The following SMARCB1 variants were observed in gnomAD, a reference collection of about 807,000 sequenced individuals.
SMARCB1 encodes the protein SWI/SNF related BAF chromatin remodeling complex subunit B1.
In SMARCB1, 5 loss-of-function variants were observed where a neutral mutation model predicts 49.0. The observed-to-expected ratio is 0.10, with a 90% CI of 0.05 to 0.21. The LOEUF (loss-of-function observed/expected upper bound fraction) is 0.21. SMARCB1 is among the 10% of genes least tolerant of loss of function. The pLI is 1.00. For missense variants in SMARCB1, 226 were observed against 509.2 expected (o/e 0.44, Z 5.35); for synonymous variants, 201 against 200.1 (o/e 1.00, Z -0.04).
Position 23,837,086 on chromosome 22 carries a change from G to A in SMARCB1, c.*2906G>A, listed in dbSNP as rs1312308563. The stretch of plus-strand genomic sequence containing the variant: ...CACAGGAAGCCAGGGGTCTGCAGGA[G>A]CCTCTTGCCTCCAGGCTGGTTGGGG... On this transcript the variant is annotated 3_prime_UTR_variant, in exon 9 of 9. Coordinates refer to ENST00000644036, the MANE Select transcript of SMARCB1 (RefSeq NM_003073.5). 2 of 1,613,990 alleles carry A rather than the reference G, an allele frequency of 1.2e-6. No homozygotes were observed. Among genetic ancestry groups the A allele is most frequent in the Non-Finnish European group, 1.7e-6 (2 of 1,179,912 alleles).
Position 23,803,277 on chromosome 22 carries a change from C to T in SMARCB1, c.501-18C>T. On this transcript the variant is annotated intron_variant, in intron 4 of 8. Coordinates refer to ENST00000644036, the MANE Select transcript of SMARCB1 (RefSeq NM_003073.5). ...GCTCCGGCCCCCTCGCTGACTGTTG[C>T]TTCCATTTCACTTTCAGCTTTGATG... 1 of 1,614,132 alleles carries T rather than the reference C, an allele frequency of 6.2e-7. No individual in the cohort carries two copies. Among genetic ancestry groups the T allele is most frequent in the African/African-American group, 1.3e-5 (1 of 75,066 alleles).
intron 5 of SMARCB1, among the ~76,000 whole-genome samples, chr22:23,812,164 C>T (rs1178092594): frequency 6.6e-6 from 1 of 152,012 alleles, no homozygotes; most frequent in Non-Finnish European, 1.5e-5. Flanking sequence ...ATTTAAAAAC[C>T]CCAAAAAATG....
chr22:23,797,974 T>A (rs1035892448), intron 3 of SMARCB1, among the ~76,000 whole-genome samples: 13 of 152,216 alleles, frequency 8.5e-5, no homozygotes, highest in Admixed American at 5.9e-4. Flanking sequence ...CTGAGCATGT[T>A]ACTCACATTC....
At chr22:23,828,039 C>A (rs148283612) in intron 7 of SMARCB1, among the ~76,000 whole-genome samples, 4 of 152,278 alleles carry the variant, frequency 2.6e-5, no homozygotes, top group Non-Finnish European at 4.4e-5. Flanking sequence ...AGCTTGGCAA[C>A]TGCTGTGTCA....
Position 23,838,005 on chromosome 22 carries a change from CG to C in SMARCB1, c.*3828del. ...AGTCCAATAAAGGCGACACACTCCACGGGCTTCAGGTCCCACGAAATCTGCC... is the reference window on the plus strand; with the variant it reads ...AGTCCAATAAAGGCGACACACTCCACGGCTTCAGGTCCCACGAAATCTGCC... On this transcript the variant is annotated 3_prime_UTR_variant, in exon 9 of 9. Transcript: ENST00000644036. 8.0e-7 allele frequency: 1 copy of C among 1,253,728 alleles called. No individual in the cohort carries two copies. The highest frequency in any genetic ancestry group is 1.1e-6 in the Non-Finnish European group (1 of 926,976). 77.7% of individuals were successfully genotyped at this position (1,253,728 alleles called of 1,614,324 possible). A position where few individuals can be genotyped will look rare whatever the true frequency, so the allele number is the denominator to read the frequency against.
At chr22:23,809,165 C>T (rs1465236759) in intron 5 of SMARCB1, among the ~76,000 whole-genome samples, 2 of 151,076 alleles carry the variant, frequency 1.3e-5, no homozygotes, top group Non-Finnish European at 2.9e-5. Context: ...AGAAACTGGA[C>T]GCTAGAGCAA....
In SMARCB1 at chr22:23,800,984, C is replaced by T. The variant is rs2145978271; in HGVS notation, c.403C>T (p.Leu135=). 6.2e-7 allele frequency: 1 copy of T among 1,614,154 alleles called. No individual in the cohort carries two copies. Among genetic ancestry groups the T allele is most frequent in the Non-Finnish European group, 8.5e-7 (1 of 1,180,018 alleles). The change falls in exon 4 of 9, where the codon CTG becomes TTG. Residue 135 remains leucine (L), a synonymous_variant. Coordinates refer to ENST00000644036, the MANE Select transcript of SMARCB1 (RefSeq NM_003073.5). ...AKRNSQWVPT[L]PNSSHHLDAV... is the part of the protein sequence containing the mutation. Reference sequence around the variant, plus strand: ...GAGGAACAGCCAGTGGGTACCCACCCTGCCCAACAGCTCCCACCACTTAGA... The same window carrying T: ...GAGGAACAGCCAGTGGGTACCCACCTTGCCCAACAGCTCCCACCACTTAGA...
In SMARCB1 at chr22:23,837,878, G is replaced by A. The variant is rs141971031; in HGVS notation, c.*3698G>A. On this transcript the variant is annotated 3_prime_UTR_variant, in exon 9 of 9. Transcript: ENST00000644036. The stretch of plus-strand genomic sequence containing the variant: ...AGCTGGGCCAGAGTCAAGGTGCTCC[G>A]GTGCAGGCCTCAGCCCAAGCCCAGG... 9.6e-4 allele frequency: 1,530 copies of A among 1,599,040 alleles called. 12 individuals are homozygous for A. The African/African-American group carries it at 0.017, about 18-fold the overall frequency.
At chr22:23,807,901 TCTC>T (rs544296873) in intron 5 of SMARCB1, among the ~76,000 whole-genome samples, 2 of 149,680 alleles carry the variant, frequency 1.3e-5, no homozygotes, top group African/African-American at 4.9e-5. Flanking sequence ...TTCACGCCAT[TCTC>T]CTGCCTCAGT....
intron 5 of SMARCB1, among the ~76,000 whole-genome samples, chr22:23,810,331 C>A (rs1342774446): frequency 4.0e-5 from 6 of 151,124 alleles, no homozygotes; most frequent in African/African-American, 7.3e-5. Flanking sequence ...TTGAGACCAG[C>A]CTGACCAATA....
In SMARCB1 at chr22:23,828,451, G is replaced by GACA. The variant is rs570823084; in HGVS notation, c.986+3037_986+3038insCAA. Among the ~76,000 whole-genome samples, 121 of 152,092 alleles carry GACA rather than the reference G, an allele frequency of 8.0e-4. 1 individual carries two copies. Among genetic ancestry groups the GACA allele is most frequent in the South Asian group, 1.5e-3 (7 of 4,816 alleles). The stretch of plus-strand genomic sequence containing the variant: ...AGGTGGGCGGATCACCTGAGGTCAG[G>GACA]AGTTAGAGACAGGCCAACATGGCAA... On this transcript the variant is annotated intron_variant, in intron 7 of 8. Coordinates refer to ENST00000644036, the MANE Select transcript of SMARCB1 (RefSeq NM_003073.5).
intron 7 of SMARCB1, among the ~76,000 whole-genome samples, chr22:23,831,406 G>T (rs564314538): frequency 6.6e-6 from 1 of 152,160 alleles, no homozygotes; most frequent in Non-Finnish European, 1.5e-5. Flanking sequence ...GACACTTTGG[G>T]TGGTAGGAAG....
At chr22:23,795,665 A>C (rs919057338) in intron 3 of SMARCB1, among the ~76,000 whole-genome samples, 6 of 151,310 alleles carry the variant, frequency 4.0e-5, no homozygotes, top group Admixed American at 6.6e-5. Context: ...TCAAAATAAT[A>C]AAATAAAATA....
intron 2 of SMARCB1, 155 bp from the exon 3 acceptor site, chr22:23,793,404 C>T (rs1928528057): frequency 9.8e-6 from 8 of 816,316 alleles, no homozygotes; most frequent in Non-Finnish European, 1.7e-5. Context: ...CCAGATTGCC[C>T]TTTTGGAAGA....
chr22:23,834,525 G>A lies in SMARCB1; in HGVS notation c.*345G>A. On this transcript the variant is annotated 3_prime_UTR_variant, in exon 9 of 9. Transcript: ENST00000644036. ...ATGTTCAATTTCTTCAACAGGTCAT[G>A]TTCAATTTCTTCAAAGTTTTAACAT... is the stretch of plus-strand genomic sequence containing the variant. The A allele has an allele frequency of 1.7e-6, 1 of 597,266 alleles. No individual in the cohort carries two copies. The highest frequency in any genetic ancestry group is 2.9e-5 in the East Asian group (1 of 34,934). The allele number at this position is 597,266 out of a possible 1,614,324, so 37.0% of individuals were successfully genotyped here.
At position 23,793,638 on chromosome 22, in the gene SMARCB1, T is replaced by C; in HGVS notation, c.312T>C (p.Asp104=). Residue 104 remains aspartate (D), a synonymous_variant, in exon 3 of 9, where the codon GAT becomes GAC. Transcript: ENST00000644036. ...SEVEEILDGN[D]EKYKAVSIST... is the part of the protein sequence containing the mutation. ...TGGAAGAGATTCTGGATGGCAACGA[T>C]GAGAAGTACAAGGCTGTGTCCATCA... 1 of 1,613,912 alleles carries C rather than the reference T, an allele frequency of 6.2e-7. No homozygotes were observed. Among genetic ancestry groups the C allele is most frequent in the Non-Finnish European group, 8.5e-7 (1 of 1,179,792 alleles).
Position 23,834,359 on chromosome 22 carries a change from A to G in SMARCB1, c.*179A>G. 1.4e-6 allele frequency: 1 copy of G among 728,760 alleles called. No individual in the cohort carries two copies. Among genetic ancestry groups the G allele is most frequent in the Non-Finnish European group, 2.4e-6 (1 of 411,484 alleles). 45.1% of individuals were successfully genotyped at this position (728,760 alleles called of 1,614,324 possible). A position where few individuals can be genotyped will look rare whatever the true frequency, so the allele number is the denominator to read the frequency against. On this transcript the variant is annotated 3_prime_UTR_variant, in exon 9 of 9. Transcript: ENST00000644036. ...GCACACATTCCATTTGTTGAGCCCC[A>G]GTCCTGCCCCCCACCCCACCCTCCC...
chr22:23,800,207 C>T (rs955675674), intron 3 of SMARCB1, among the ~76,000 whole-genome samples: 17 of 152,358 alleles, frequency 1.1e-4, no homozygotes, highest in Admixed American at 2.6e-4. Flanking sequence ...TGAGCCACTG[C>T]ACCTGGTGCT....
chr22:23,801,055 A>G lies in SMARCB1; in HGVS notation c.474A>G (p.Arg158=), dbSNP rs2145978745. 1 of 1,614,214 alleles carries G rather than the reference A, an allele frequency of 6.2e-7. No individual in the cohort carries two copies. The highest frequency in any genetic ancestry group is 8.5e-7 in the Non-Finnish European group (1 of 1,180,026). Reference sequence around the variant, plus strand: ...CCATCAACAGGAACCGCATGGGCCGAGACAAGAAGAGAACCTTCCCCCTTT... The same window carrying G: ...CCATCAACAGGAACCGCATGGGCCGGGACAAGAAGAGAACCTTCCCCCTTT... The part of the protein sequence containing the change: ...STTINRNRMG[R]DKKRTFPLCF... Residue 158 remains arginine, a synonymous_variant, in exon 4 of 9, where the codon CGA becomes CGG. Transcript: ENST00000644036.
Sources: gnomAD v4.1 joint callset for allele counts (sites outside exome capture counted in the v4.1 genomes callset) on GRCh38, gnomAD v4.1.1 for gene constraint, MANE v1.5 for transcripts, NCBI Gene and HGNC (gene_info 2026-07-23, HGNC 2026-07-21) for gene names.